Variants in NLRC4 observed in about 807,000 individuals in gnomAD.
NLRC4 encodes the protein NLR family CARD domain containing 4, also known as NLR family CARD domain-containing protein 4.
In NLRC4, 63 loss-of-function variants were observed where a neutral mutation model predicts 79.9. That is an observed-to-expected ratio of 0.79 (90% confidence interval 0.64 to 0.97). The LOEUF (loss-of-function observed/expected upper bound fraction) is 0.97. NLRC4 is among the 50% of genes least tolerant of loss of function. NLRC4 has a pLI of 0.00. For synonymous variants in NLRC4, 461 were observed against 456.5 expected, an observed-to-expected ratio of 1.01 and a Z score of -0.12; for missense variants, 1,074 against 1,215.2, an observed-to-expected ratio of 0.88 and a Z score of 1.73.
At position 32,225,409 on chromosome 2, in the gene NLRC4, A is replaced by ATGTG. The variant is rs35323064; in HGVS notation, c.2783-648_2783-645dup. On this transcript the variant is annotated intron_variant, in intron 8 of 8. Transcript: ENST00000402280. ...ACACACACACACATACATACAAAGG[A>ATGTG]TGTGTGTGTGTGTGTGTGTGTGTGT... is the stretch of plus-strand genomic sequence containing the variant. 4.1e-3 allele frequency among the ~76,000 whole-genome samples: 608 copies of ATGTG among 149,194 alleles called. 7 individuals carry two copies. The East Asian group carries it at 0.048, about 12-fold the overall frequency.
rs963291466 is a variant in NLRC4 at position 32,236,238 on chromosome 2, C to T, written c.2614+9G>A. 8 of 1,555,400 alleles carry T rather than the reference C, an allele frequency of 5.1e-6. No homozygotes were observed. In the Admixed American group the frequency reaches 1.1e-4, roughly 21 times the overall value. ...AAGTATCTAATTTTGGCTGAATTGT[C>T]ATTCTTACTCAGTTCATGAAGAGCT... On this transcript the variant is annotated intron_variant, in intron 7 of 8. Coordinates refer to ENST00000402280, the MANE Select transcript of NLRC4 (RefSeq NM_001199138.2).
In NLRC4 at chr2:32,251,541, A is replaced by C; in HGVS notation, c.323T>G (p.Leu108Trp). Residue 108 changes from leucine (L) to tryptophan (W), a missense_variant, in exon 4 of 9, where the codon TTG (leucine) becomes TGG (tryptophan). Transcript: ENST00000402280. ...GTTCAGAAAAGATGGGGTATGGTAC[A>C]AGTCCTTTAAATCCTGAGCCAAATC... ...LDDLAQDLKD[L>W]YHTPSFLNFY... 6.2e-7 allele frequency: 1 copy of C among 1,613,464 alleles called. No homozygotes were observed. The highest frequency in any genetic ancestry group is 8.5e-7 in the Non-Finnish European group (1 of 1,179,692).
At chr2:32,260,460 A>T (rs906453667) in intron 1 of NLRC4, among the ~76,000 whole-genome samples, 9 of 152,184 alleles carry the variant, frequency 5.9e-5, no homozygotes, top group Non-Finnish European at 1.3e-4. Context: ...GCTCACAGCC[A>T]TGGCAAGTTT....
At chr2:32,246,158 T>C (rs1180983777) in intron 4 of NLRC4, among the ~76,000 whole-genome samples, 2 of 152,214 alleles carry the variant, frequency 1.3e-5, no homozygotes, top group Non-Finnish European at 2.9e-5. Context: ...CACTCCAGCC[T>C]GGGTGACAGA....
At chr2:32,231,666 C>T (rs1686542141) in intron 8 of NLRC4, among the ~76,000 whole-genome samples, 1 of 150,980 alleles carries the variant, frequency 6.6e-6, no homozygotes, top group African/African-American at 2.4e-5. Context: ...ACTTCCTGAG[C>T]TCAAGCCATC....
rs141787031 is a variant in NLRC4 at position 32,256,393 on chromosome 2, T to C, written c.1+382A>G. 6.0e-4 allele frequency among the ~76,000 whole-genome samples: 92 copies of C among 152,216 alleles called. No individual in the cohort carries two copies. In the East Asian group the frequency reaches 0.017, roughly 28 times the overall value. On this transcript the variant is annotated intron_variant, in intron 2 of 8. Coordinates refer to ENST00000402280, the MANE Select transcript of NLRC4 (RefSeq NM_001199138.2). Reference sequence around the variant, plus strand: ...AGAGGGCTAGTGGCTACTATTAATATACTAGATAGTGCAGGTCTACACCCA... The same window carrying C: ...AGAGGGCTAGTGGCTACTATTAATACACTAGATAGTGCAGGTCTACACCCA...
chr2:32,246,807 G>A (rs553404097), intron 4 of NLRC4, among the ~76,000 whole-genome samples: 32 of 152,276 alleles, frequency 2.1e-4, no homozygotes, highest in Non-Finnish European at 4.6e-4. Flanking sequence ...TTTGGAGATA[G>A]GGTCTTGCTG....
At chr2:32,252,383 C>T in intron 3 of NLRC4, 36 bp downstream of exon 3, 1 of 1,525,070 alleles carries the variant, frequency 6.6e-7, no homozygotes, top group Non-Finnish European at 9.1e-7. Flanking sequence ...GTCTATTCTA[C>T]TTGCAGAAAC....
intron 1 of NLRC4, among the ~76,000 whole-genome samples, chr2:32,258,422 C>A (rs1020895254): frequency 1.2e-4 from 18 of 152,202 alleles, no homozygotes; most frequent in Non-Finnish European, 1.6e-4. Flanking sequence ...CATTTGGGCG[C>A]CAAGGCAGGA....
At chr2:32,253,463 T>A (rs1687131578) in intron 2 of NLRC4, among the ~76,000 whole-genome samples, 1 of 152,044 alleles carries the variant, frequency 6.6e-6, no homozygotes, top group South Asian at 2.1e-4. Context: ...AAAGCATTTC[T>A]AACCCCAGAG....
chr2:32,226,931 G>C (rs1199215617), intron 8 of NLRC4, among the ~76,000 whole-genome samples: 1 of 152,006 alleles, frequency 6.6e-6, no homozygotes, highest in Non-Finnish European at 1.5e-5. Flanking sequence ...TCCCAAAACT[G>C]TCTCTCCTTA....
Position 32,224,532 on chromosome 2 carries a change from G to C in NLRC4, c.3016C>G (p.Gln1006Glu), listed in dbSNP as rs1686317904. 4 of 1,613,380 alleles carry C rather than the reference G, an allele frequency of 2.5e-6. No individual in the cohort carries two copies. In the East Asian group the frequency reaches 8.9e-5, roughly 36 times the overall value. ...FLQEARLVGW[Q>E]FDDDDLSVIT... ...ACACTGAGATCATCATCATCAAATT[G>C]CCACCCAACAAGCCTAGCTTCTTGC... The change falls in exon 9 of 9, where the codon CAA becomes GAA. Residue 1006 changes from glutamine to glutamate, a missense_variant. Transcript: ENST00000402280.
chr2:32,230,063 G>A (rs529818436), intron 8 of NLRC4, among the ~76,000 whole-genome samples: 42 of 152,112 alleles, frequency 2.8e-4, no homozygotes, highest in Non-Finnish European at 5.4e-4. Context: ...AGTAACAAGA[G>A]GCACAGTCAA....
intron 8 of NLRC4, among the ~76,000 whole-genome samples, chr2:32,231,095 G>C (rs1686521962): frequency 6.6e-6 from 1 of 152,272 alleles, no homozygotes; most frequent in Middle Eastern, 3.4e-3. Context: ...TGTCTGTTCA[G>C]ATTCTTGCCC....
intron 8 of NLRC4, among the ~76,000 whole-genome samples, chr2:32,233,161 GAA>G (rs1350174319): frequency 1.2e-5 from 1 of 83,546 alleles, no homozygotes; most frequent in Non-Finnish European, 2.3e-5. Flanking sequence ...AGGAAGGAAG[GAA>G]GGAAGGAAGG....
intron 8 of NLRC4, among the ~76,000 whole-genome samples, chr2:32,234,333 G>A (rs973001542): frequency 1.3e-5 from 2 of 151,918 alleles, no homozygotes; most frequent in African/African-American, 4.8e-5. Context: ...AGTGAGCTAA[G>A]ATTGCGCAAC....
At chr2:32,262,888 G>A (rs955241647) in intron 1 of NLRC4, among the ~76,000 whole-genome samples, 14 of 151,702 alleles carry the variant, frequency 9.2e-5, no homozygotes, top group Non-Finnish European at 1.9e-4. Flanking sequence ...TTGGGTGGAA[G>A]AAGTCCTTCC....
chr2:32,240,358 A>T (rs1450152887), intron 5 of NLRC4, among the ~76,000 whole-genome samples: 1 of 149,546 alleles, frequency 6.7e-6, no homozygotes, highest in Non-Finnish European at 1.5e-5. Flanking sequence ...TGAAGGGAAG[A>T]GAGGAGTATT....
intron 8 of NLRC4, among the ~76,000 whole-genome samples, chr2:32,234,884 T>C (rs1204721751): frequency 1.3e-5 from 2 of 152,264 alleles, no homozygotes; most frequent in Non-Finnish European, 2.9e-5. Context: ...CCATATGTTA[T>C]ACAGGAATTG....
Sources: gnomAD v4.1 joint callset for allele counts (sites outside exome capture counted in the v4.1 genomes callset) on GRCh38, gnomAD v4.1.1 for gene constraint, MANE v1.5 for transcripts, NCBI Gene and HGNC (gene_info 2026-07-23, HGNC 2026-07-21) for gene names.